The following PDZRN3 variants were observed in gnomAD, a reference collection of about 807,000 sequenced individuals.
PDZRN3 encodes the protein E3 ubiquitin-protein ligase PDZRN3.
Under a neutral mutation model 85.7 loss-of-function variants are expected in PDZRN3, and 38 were observed. That is an observed-to-expected ratio of 0.44 (90% CI 0.34 to 0.58). The LOEUF (loss-of-function observed/expected upper bound fraction) is 0.58. PDZRN3 is among the 20% of genes least tolerant of loss of function. The probability of loss-of-function intolerance (pLI) is 0.01; values close to 1 mark genes in which losing one functional copy is unlikely to be tolerated. For missense variants in PDZRN3, 1,629 were observed against 1,506.4 expected, an observed-to-expected ratio of 1.08 and a Z score of -1.35; for synonymous variants, 759 against 638.0, an observed-to-expected ratio of 1.19 and a Z score of -2.86.
At chr3:73,436,765 C>T (rs149815831) in intron 3 of PDZRN3, among the ~76,000 whole-genome samples, 332 of 152,092 alleles carry the variant, frequency 2.2e-3, no homozygotes, top group Admixed American at 4.8e-3. Context: ...TACTGAGAAC[C>T]GGCCGGGTGC....
intron 3 of PDZRN3, among the ~76,000 whole-genome samples, chr3:73,552,122 C>T (rs1380979491): frequency 6.6e-6 from 1 of 152,174 alleles, no homozygotes; most frequent in Non-Finnish European, 1.5e-5. Flanking sequence ...CCTTTTCTCA[C>T]TCCTTCCCAC....
At chr3:73,453,431 A>C (rs1252905518) in intron 3 of PDZRN3, among the ~76,000 whole-genome samples, 2 of 150,752 alleles carry the variant, frequency 1.3e-5, no homozygotes, top group African/African-American at 2.4e-5. Context: ...AAACAAAAAA[A>C]AAAAACAAAG....
rs553524047 is a variant in PDZRN3, at chr3:73,384,072, T to C, written c.2494A>G (p.Asn832Asp). ...CGCTCTTTGCTTTCCAGGGGCTGGT[T>C]GGGGTCCAGCTCCTTCAGGGACGGG... ...YSPSLKELDP[N>D]QPLESKERRA... is the part of the protein sequence containing the mutation. Residue 832 changes from asparagine to aspartate, a missense_variant, in exon 10 of 10, where the codon AAC (asparagine) becomes GAC (aspartate). By Grantham distance (23) the Asn-to-Asp change is conservative. Coordinates refer to ENST00000263666, the MANE Select transcript of PDZRN3 (RefSeq NM_015009.3). 2 of 1,611,420 alleles carry C rather than the reference T, an allele frequency of 1.2e-6. No homozygotes were observed. Among genetic ancestry groups the C allele is most frequent in the African/African-American group, 2.7e-5 (2 of 75,000 alleles).
intron 3 of PDZRN3, among the ~76,000 whole-genome samples, chr3:73,543,739 T>C (rs1326554103): frequency 6.6e-6 from 1 of 152,202 alleles, no homozygotes. Flanking sequence ...AAGTCAATCC[T>C]TGGGGCTATT....
chr3:73,476,793 T>G (rs1452683498), intron 3 of PDZRN3, among the ~76,000 whole-genome samples: 1 of 152,148 alleles, frequency 6.6e-6, no homozygotes, highest in African/African-American at 2.4e-5. Context: ...CCTGAGGCCT[T>G]GGCAAACAGC....
At chr3:73,451,978 G>A (rs1702871210) in intron 3 of PDZRN3, among the ~76,000 whole-genome samples, 1 of 152,226 alleles carries the variant, frequency 6.6e-6, no homozygotes, top group African/African-American at 2.4e-5. Flanking sequence ...TGAACACAGA[G>A]AAAATTGTGA....
intron 3 of PDZRN3, among the ~76,000 whole-genome samples, chr3:73,423,834 C>T (rs923413285): frequency 2.0e-5 from 3 of 152,108 alleles, no homozygotes; most frequent in African/African-American, 7.2e-5. Context: ...TCTTGGGTCT[C>T]CTCTTAATAT....
At chr3:73,492,304 GA>G (rs1205396935) in intron 3 of PDZRN3, among the ~76,000 whole-genome samples, 2 of 152,180 alleles carry the variant, frequency 1.3e-5, no homozygotes, top group African/African-American at 4.8e-5. Context: ...TCCTCCTGGG[GA>G]TAACTAGGGC....
intron 3 of PDZRN3, among the ~76,000 whole-genome samples, chr3:73,562,716 A>ACAG (rs1485349337): frequency 1.3e-5 from 2 of 151,962 alleles, no homozygotes; most frequent in Non-Finnish European, 2.9e-5. Context: ...AATAGAGAGC[A>ACAG]CAGCTGTCTA....
intron 6 of PDZRN3, among the ~76,000 whole-genome samples, chr3:73,390,220 A>T (rs976546608): frequency 2.0e-5 from 3 of 152,214 alleles, no homozygotes; most frequent in Non-Finnish European, 4.4e-5. Flanking sequence ...ACCCTTCATT[A>T]TGTGGACTAG....
chr3:73,398,423 G>A (rs182486136), intron 5 of PDZRN3, among the ~76,000 whole-genome samples: 85 of 152,272 alleles, frequency 5.6e-4, no homozygotes, highest in African/African-American at 2.0e-3. Context: ...GGCTTTAATG[G>A]GCACCGAGGT....
chr3:73,483,239 A>G (rs1215791339), intron 3 of PDZRN3, among the ~76,000 whole-genome samples: 1 of 152,254 alleles, frequency 6.6e-6, no homozygotes, highest in East Asian at 1.9e-4. Flanking sequence ...GAAGCAATTT[A>G]TAGGAAGCCA....
intron 2 of PDZRN3, among the ~76,000 whole-genome samples, chr3:73,602,979 A>G (rs2106897316): frequency 6.6e-6 from 1 of 152,128 alleles, no homozygotes; most frequent in South Asian, 2.1e-4. Flanking sequence ...CTGTGATAAT[A>G]CTCTCCTACT....
At chr3:73,551,688 CAAA>C (rs71126878) in intron 3 of PDZRN3, among the ~76,000 whole-genome samples, 235 of 104,554 alleles carry the variant, frequency 2.2e-3, no homozygotes, top group African/African-American at 2.7e-3. Context: ...GACCCTGTTT[CAAA>C]AAAAAAAAAA....
At chr3:73,610,669 C>G (rs934629468) in intron 1 of PDZRN3, among the ~76,000 whole-genome samples, 1 of 152,100 alleles carries the variant, frequency 6.6e-6, no homozygotes, top group African/African-American at 2.4e-5. Context: ...CATAATTAAT[C>G]AATGATAGAA....
At chr3:73,592,826 T>C (rs1702378042) in intron 3 of PDZRN3, among the ~76,000 whole-genome samples, 1 of 152,236 alleles carries the variant, frequency 6.6e-6, no homozygotes, top group Non-Finnish European at 1.5e-5. Context: ...TGCGTCTTCC[T>C]ATTTGCAATT....
intron 3 of PDZRN3, among the ~76,000 whole-genome samples, chr3:73,437,428 A>AT (rs1396825667): frequency 6.6e-6 from 1 of 152,188 alleles, no homozygotes; most frequent in Non-Finnish European, 1.5e-5. Flanking sequence ...ACATCTTGCT[A>AT]TTTTTACAAA....
intron 3 of PDZRN3, among the ~76,000 whole-genome samples, chr3:73,451,262 A>T (rs938367502): frequency 2.6e-5 from 4 of 152,198 alleles, no homozygotes; most frequent in Non-Finnish European, 5.9e-5. Flanking sequence ...CGCAGTAAAA[A>T]AATAATTGCT....
chr3:73,622,484 C>T (rs1392771917), intron 1 of PDZRN3, among the ~76,000 whole-genome samples: 3 of 152,200 alleles, frequency 2.0e-5, no homozygotes, highest in Admixed American at 1.3e-4. Context: ...GCAGAAGTAC[C>T]CAGCTGTTGA....
Sources: gnomAD v4.1 joint callset for allele counts (sites outside exome capture counted in the v4.1 genomes callset) on GRCh38, gnomAD v4.1.1 for gene constraint, MANE v1.5 for transcripts, NCBI Gene and HGNC (gene_info 2026-07-23, HGNC 2026-07-21) for gene names.